TBC1D2: variants seen among roughly 807,000 people sequenced by gnomAD.
TBC1D2 encodes TBC1 domain family member 2A.
A neutral mutation model predicts 91.1 loss-of-function variants in TBC1D2; 58 were observed. The ratio of observed to expected loss-of-function variants is 0.64; its 90% confidence interval spans 0.52 to 0.79. The LOEUF is 0.79. TBC1D2 is among the 30% of genes least tolerant of loss of function. The pLI is 0.00. For missense variants in TBC1D2, 1,080 were observed against 1,208.3 expected (o/e 0.89, Z 1.57); for synonymous variants, 482 against 511.5 (o/e 0.94, Z 0.78).
Position 98,251,935 on chromosome 9 carries a change from C to T in TBC1D2, c.370-9G>A. The T allele has an allele frequency of 6.3e-7, 1 of 1,596,960 alleles. No individual in the cohort carries two copies. The highest frequency in any genetic ancestry group is 1.7e-5 in the Admixed American group (1 of 57,524). On this transcript the variant is annotated splice_polypyrimidine_tract_variant and intron_variant, in intron 1 of 12. Transcript: ENST00000465784. The stretch of plus-strand genomic sequence containing the variant: ...GCTTGCTTGGTGGCGGCCTGAGAAG[C>T]ACAAGGATTAGTTGGCAAGGCCCTG...
chr9:98,251,416 A>G (rs954871402), intron 2 of TBC1D2, among the ~76,000 whole-genome samples: 1 of 152,208 alleles, frequency 6.6e-6, no homozygotes, highest in African/African-American at 2.4e-5. Flanking sequence ...CATAATAGTC[A>G]TCACAATAGT....
At chr9:98,240,539 A>G (rs1345316087) in intron 3 of TBC1D2, among the ~76,000 whole-genome samples, 1 of 152,138 alleles carries the variant, frequency 6.6e-6, no homozygotes, top group Non-Finnish European at 1.5e-5. Flanking sequence ...TGTTACATGG[A>G]TTTCACAAAC....
intron 9 of TBC1D2, among the ~76,000 whole-genome samples, 171 bp from the exon 10 acceptor site, chr9:98,203,579 G>A (rs1169190359): frequency 1.3e-5 from 2 of 152,192 alleles, no homozygotes; most frequent in Non-Finnish European, 2.9e-5. Flanking sequence ...TGAGATAAAC[G>A]CTCTTTTGGG....
intron 3 of TBC1D2, among the ~76,000 whole-genome samples, chr9:98,241,453 G>A (rs1463250486): frequency 6.6e-6 from 1 of 152,208 alleles, no homozygotes; most frequent in East Asian, 1.9e-4. Flanking sequence ...CACAAAGGCA[G>A]CTCTCATCTC....
intron 3 of TBC1D2, among the ~76,000 whole-genome samples, chr9:98,235,752 C>T (rs899388848): frequency 7.3e-5 from 11 of 151,690 alleles, no homozygotes; most frequent in Non-Finnish European, 1.0e-4. Flanking sequence ...AGCAAGTTGT[C>T]GGCTGGGCAC....
intron 3 of TBC1D2, among the ~76,000 whole-genome samples, chr9:98,238,419 G>T (rs1349249567): frequency 1.5e-5 from 2 of 137,110 alleles, no homozygotes; most frequent in Admixed American, 1.3e-4. Context: ...AAATACAACT[G>T]ATATTTCTAT....
chr9:98,208,876 T>A lies in TBC1D2; in HGVS notation c.1942A>T (p.Thr648Ser). ...LVHLRVQHLH[T>S]PGCYQELLSR... is the part of the protein sequence containing the mutation. The stretch of plus-strand genomic sequence containing the variant: ...AGCAGTTCCTGGTAGCAGCCTGGAG[T>A]GTGCAGGTGCTGGACACGGAGGTGG... The change falls in exon 9 of 13, where the codon ACT becomes TCT. Residue 648 changes from threonine (T) to serine (S), a missense_variant. Transcript: ENST00000465784. The A allele has an allele frequency of 6.2e-7, 1 of 1,613,492 alleles. No individual in the cohort carries two copies. The highest frequency in any genetic ancestry group is 8.5e-7 in the Non-Finnish European group (1 of 1,179,792).
At position 98,231,279 on chromosome 9, in the gene TBC1D2, CTT is replaced by C. The variant is rs35195996; in HGVS notation, c.782-2133_782-2132del. ...GACTCCAACTCCAGCCTCAACTCTG[CTT>C]TTTTTTTTTTTTTTTTTTTTTTTAA... On this transcript the variant is annotated intron_variant, in intron 4 of 12. Coordinates refer to ENST00000465784, the MANE Select transcript of TBC1D2 (RefSeq NM_001267571.2). Among the ~76,000 whole-genome samples the C allele has an allele frequency of 5.5e-3, 424 of 76,696 alleles. 2 individuals are homozygous for C. Among genetic ancestry groups the C allele is most frequent in the African/African-American group, 0.018 (318 of 18,022 alleles). The allele number at this position is 76,696 out of a possible 152,430, so 50.3% of individuals were successfully genotyped here.
chr9:98,208,032 T>A (rs899578193), intron 9 of TBC1D2, among the ~76,000 whole-genome samples: 6 of 152,150 alleles, frequency 3.9e-5, no homozygotes, highest in Admixed American at 3.3e-4. Context: ...AGCGAATGAT[T>A]CCTGATCCAG....
intron 3 of TBC1D2, chr9:98,235,073 G>T: frequency 5.0e-6 from 1 of 201,456 alleles, no homozygotes; most frequent in Admixed American, 4.8e-5. Context: ...GCGTGGTGGC[G>T]CATGCCTGTA....
At chr9:98,210,263 A>G (rs1199242806) in intron 8 of TBC1D2, among the ~76,000 whole-genome samples, 1 of 152,212 alleles carries the variant, frequency 6.6e-6, no homozygotes, top group Non-Finnish European at 1.5e-5. Context: ...GCCTTCGAGC[A>G]TAGCCACCCT....
At chr9:98,202,229 G>A (rs1320525634) in intron 10 of TBC1D2, among the ~76,000 whole-genome samples, 12 of 152,176 alleles carry the variant, frequency 7.9e-5, no homozygotes, top group African/African-American at 9.6e-5. Flanking sequence ...TGCTCCTGGC[G>A]ACACTGGCCA....
At chr9:98,219,714 T>G (rs569784234) in intron 6 of TBC1D2, among the ~76,000 whole-genome samples, 17 of 152,376 alleles carry the variant, frequency 1.1e-4, no homozygotes, top group African/African-American at 3.6e-4. Flanking sequence ...GGTAGCATGT[T>G]GTGCTATGAT....
intron 4 of TBC1D2, among the ~76,000 whole-genome samples, chr9:98,231,044 G>C (rs2119130585): frequency 6.6e-6 from 1 of 152,254 alleles, no homozygotes; most frequent in East Asian, 1.9e-4. Flanking sequence ...AGGGGAGCAG[G>C]GAAGCTCCTT....
chr9:98,216,250 C>A (rs1357809635), intron 6 of TBC1D2, among the ~76,000 whole-genome samples: 1 of 152,162 alleles, frequency 6.6e-6, no homozygotes, highest in Non-Finnish European at 1.5e-5. Flanking sequence ...GCAACGTGAG[C>A]GTGAGCATCG....
At position 98,208,959 on chromosome 9, in the gene TBC1D2, T is replaced by C. The variant is rs1009067828; in HGVS notation, c.1859A>G (p.Gln620Arg). 6.2e-7 allele frequency: 1 copy of C among 1,614,108 alleles called. No individual in the cohort carries two copies. Among genetic ancestry groups the C allele is most frequent in the South Asian group, 1.1e-5 (1 of 91,078 alleles). The change falls in exon 9 of 13, where the codon CAG becomes CGG. Residue 620 changes from glutamine (Q) to arginine (R), a missense_variant. Transcript: ENST00000465784. ...ACGGGGTACTCCTGCCCGCAGTAGC[T>C]GCTTGAGCTCGGCTGAGGGCACAAG... The part of the protein sequence containing the change: ...GDLVPSAELK[Q>R]LLRAGVPREH...
Position 98,203,296 on chromosome 9 carries a change from C to A in TBC1D2, c.2263G>T (p.Ala755Ser), listed in dbSNP as rs1335428944. 3.1e-6 allele frequency: 5 copies of A among 1,614,188 alleles called. No individual in the cohort carries two copies. Among genetic ancestry groups the A allele is most frequent in the Non-Finnish European group, 3.4e-6 (4 of 1,180,024 alleles). The change falls in exon 10 of 13, where the codon GCA (alanine) becomes TCA (serine). Residue 755 changes from alanine (A) to serine (S), a missense_variant. Ala to Ser is a moderately conservative substitution (Grantham distance 99, BLOSUM62 1). Coordinates refer to ENST00000465784, the MANE Select transcript of TBC1D2 (RefSeq NM_001267571.2). ...PADYYCNTLTASQVDQRVLQD... is the reference protein window; with the variant it reads ...PADYYCNTLTSSQVDQRVLQD... ...CTCCTGGCCCCACTTACCTGGGATG[C>A]CGTCAGCGTGTTGCAGTAGTAATCA...
Position 98,233,499 on chromosome 9 carries a change from T to C in TBC1D2, c.698A>G (p.His233Arg). 6.2e-7 allele frequency: 1 copy of C among 1,614,200 alleles called. No individual in the cohort carries two copies. Among genetic ancestry groups the C allele is most frequent in the Non-Finnish European group, 8.5e-7 (1 of 1,180,010 alleles). ...RGNKQAQGTG[H>R]EPPGEDSPQS... is the part of the protein sequence containing the mutation. Reference sequence around the variant, plus strand: ...TGGAGAATCTTCCCCTGGAGGTTCATGGCCTGTTCCCTGGGCCTGCTTGTT... The same window carrying C: ...TGGAGAATCTTCCCCTGGAGGTTCACGGCCTGTTCCCTGGGCCTGCTTGTT... The change falls in exon 4 of 13, where the codon CAT becomes CGT. Residue 233 changes from histidine to arginine, a missense_variant. His to Arg is a conservative substitution (Grantham distance 29). Coordinates refer to ENST00000465784, the MANE Select transcript of TBC1D2 (RefSeq NM_001267571.2).
chr9:98,226,055 G>A (rs1829225720), intron 5 of TBC1D2, among the ~76,000 whole-genome samples: 2 of 152,212 alleles, frequency 1.3e-5, no homozygotes, highest in South Asian at 4.1e-4. Context: ...CTCTAATGAG[G>A]GTCTCAGATG....
Sources: gnomAD v4.1 joint callset for allele counts (sites outside exome capture counted in the v4.1 genomes callset) on GRCh38, gnomAD v4.1.1 for gene constraint, MANE v1.5 for transcripts, NCBI Gene and HGNC (gene_info 2026-07-23, HGNC 2026-07-21) for gene names.